The following SYNE1 variants were observed in gnomAD, a reference collection of about 807,000 sequenced individuals.
SYNE1 encodes the protein nesprin-1.
SYNE1 carries 616 observed loss-of-function variants against 1,111.0 expected under a neutral mutation model. The observed-to-expected ratio is 0.55, with a 90% confidence interval of 0.52 to 0.59. The LOEUF (loss-of-function observed/expected upper bound fraction) is 0.59. SYNE1 is among the 20% of genes least tolerant of loss of function. The pLI, the probability that SYNE1 is intolerant of heterozygous loss-of-function variation, is 0.00. For synonymous variants in SYNE1, 3,855 were observed against 3,825.8 expected, an observed-to-expected ratio of 1.01 and a Z score of -0.28; for missense variants, 10,006 against 10,417.0, an observed-to-expected ratio of 0.96 and a Z score of 1.72.
At chr6:152,450,295 T>A (rs1278988820) in intron 27 of SYNE1, among the ~76,000 whole-genome samples, 1 of 152,178 alleles carries the variant, frequency 6.6e-6, no homozygotes, top group African/African-American at 2.4e-5. Context: ...GCCATGCTGA[T>A]CTGTGAGTCA....
chr6:152,462,777 G>T lies in SYNE1; in HGVS notation c.2211C>A (p.Val737=). The T allele has an allele frequency of 6.2e-7, 1 of 1,614,038 alleles. No homozygotes were observed. Among genetic ancestry groups the T allele is most frequent in the Non-Finnish European group, 8.5e-7 (1 of 1,179,952 alleles). Residue 737 remains valine, a synonymous_variant, in exon 20 of 146, where the codon GTC becomes GTA. Coordinates refer to ENST00000367255, the MANE Select transcript of SYNE1 (RefSeq NM_182961.4). ...TTAATAGCTTGACATTCATAAAAGAGACTTCTAAGGGTTCAGAAAGTTTCT... is the reference window on the plus strand; with the variant it reads ...TTAATAGCTTGACATTCATAAAAGATACTTCTAAGGGTTCAGAAAGTTTCT... ...AHKKLSEPLE[V]SFMNVKLLIQ...
chr6:152,468,033 A>G (rs1382443767), intron 16 of SYNE1, among the ~76,000 whole-genome samples: 1 of 152,150 alleles, frequency 6.6e-6, no homozygotes, highest in East Asian at 1.9e-4. Context: ...TGAAACTTGG[A>G]TCCCAAGTTC....
intron 55 of SYNE1, 120 bp from the exon 56 acceptor site, chr6:152,381,482 G>A (rs889050140): frequency 2.1e-6 from 2 of 962,750 alleles, no homozygotes; most frequent in African/African-American, 1.6e-5. Context: ...TGTGCCACAA[G>A]GACCCAGAAT....
At chr6:152,179,309 G>A (rs2067282830) in intron 129 of SYNE1, 1 of 152,032 alleles carries the variant, frequency 6.6e-6, no homozygotes, top group South Asian at 2.1e-4. Context: ...AAAATAATTT[G>A]ATAAGATATA....
intron 14 of SYNE1, among the ~76,000 whole-genome samples, chr6:152,482,843 T>A (rs971154008): frequency 1.3e-5 from 2 of 152,112 alleles, no homozygotes; most frequent in Admixed American, 6.6e-5. Context: ...CAAAGATAGC[T>A]GCAGATGAAA....
chr6:152,255,051 C>T lies in SYNE1; in HGVS notation c.19299G>A (p.Met6433Ile). ...GGGAAAACAAGTTTTTGTTCTTATC[C>T]ATTTCTTCAGACATTTCCTTAATGT... ...AKDIKEMSEEMDKNKNLFSQA... is the reference protein window; with the variant it reads ...AKDIKEMSEEIDKNKNLFSQA... Residue 6433 changes from methionine (M) to isoleucine (I), a missense_variant, in exon 104 of 146, where the codon ATG (methionine) becomes ATA (isoleucine). Transcript: ENST00000367255. 6.2e-7 allele frequency: 1 copy of T among 1,608,642 alleles called. No homozygotes were observed. Among genetic ancestry groups the T allele is most frequent in the South Asian group, 1.1e-5 (1 of 90,386 alleles).
intron 96 of SYNE1, among the ~76,000 whole-genome samples, chr6:152,283,384 T>C (rs1486482787): frequency 6.6e-6 from 1 of 152,202 alleles, no homozygotes; most frequent in East Asian, 1.9e-4. Context: ...CCTCTACAAT[T>C]ATTCTTCACA....
intron 3 of SYNE1, among the ~76,000 whole-genome samples, chr6:152,574,586 C>A (rs1214643350): frequency 6.6e-6 from 1 of 152,078 alleles, no homozygotes; most frequent in East Asian, 1.9e-4. Flanking sequence ...ATTAATTGGA[C>A]TAAATGAAGC....
At chr6:152,237,041 C>G (rs2084278429) in intron 108 of SYNE1, 93 bp from the exon 109 acceptor site, 1 of 1,517,494 alleles carries the variant, frequency 6.6e-7, no homozygotes, top group East Asian at 2.4e-5. Flanking sequence ...GACAGTCTCT[C>G]CTTAAAGTTA....
chr6:152,523,138 T>C (rs768340929), intron 5 of SYNE1, among the ~76,000 whole-genome samples: 3 of 152,052 alleles, frequency 2.0e-5, no homozygotes, highest in Non-Finnish European at 4.4e-5. Flanking sequence ...GGCCAATGTC[T>C]AGAGATTTTC....
At position 152,350,343 on chromosome 6, in the gene SYNE1, A is replaced by T. The variant is rs2096719348; in HGVS notation, c.11734-8T>A. ...CAGACTGAAGACATGCTCCTGCAAA[A>T]CCAGGTGTCCATCAGAGATGACTTT... On this transcript the variant is annotated splice_polypyrimidine_tract_variant and splice_region_variant and intron_variant, in intron 71 of 145. Transcript: ENST00000367255. The T allele has an allele frequency of 6.2e-7, 1 of 1,614,012 alleles. No homozygotes were observed. The highest frequency in any genetic ancestry group is 1.7e-5 in the Admixed American group (1 of 59,998).
rs747947368 is a variant in SYNE1, at chr6:152,277,264, CTT to C, written c.18573+823_18573+824del. Among the ~76,000 whole-genome samples the C allele has an allele frequency of 7.0e-3, 572 of 82,022 alleles. 1 individual carries two copies. Among genetic ancestry groups the C allele is most frequent in the African/African-American group, 0.026 (542 of 20,498 alleles). 53.8% of individuals were successfully genotyped at this position (82,022 alleles called of 152,430 possible). ...TGCAATCACACTCCTTTTTCTTTTT[CTT>C]TTTTTTTTTTTTTTTTTTTTTTTTG... On this transcript the variant is annotated intron_variant, in intron 98 of 145. Transcript: ENST00000367255.
At chr6:152,357,936 C>T (rs187953474) in intron 66 of SYNE1, among the ~76,000 whole-genome samples, 282 of 152,244 alleles carry the variant, frequency 1.9e-3, no homozygotes, top group African/African-American at 6.1e-3. Flanking sequence ...GAGCCCGAAC[C>T]GGTACCATCA....
chr6:152,158,874 T>C (rs2061864141), intron 131 of SYNE1, among the ~76,000 whole-genome samples: 1 of 152,246 alleles, frequency 6.6e-6, no homozygotes, highest in African/African-American at 2.4e-5. Flanking sequence ...AATCAATATA[T>C]GAAATAGCAA....
At chr6:152,391,625 G>T (rs967268371) in intron 51 of SYNE1, 57 bp from the exon 52 acceptor site, 23 of 1,502,634 alleles carry the variant, frequency 1.5e-5, no homozygotes, top group Admixed American at 2.2e-5. Flanking sequence ...ATCCTGGAGT[G>T]CAGGGGAGTG....
Position 152,297,940 on chromosome 6 carries a change from A to C in SYNE1, c.17682+2701T>G, listed in dbSNP as rs144853330. 2.4e-3 allele frequency among the ~76,000 whole-genome samples: 371 copies of C among 152,290 alleles called. 2 individuals carry two copies. Among genetic ancestry groups the C allele is most frequent in the African/African-American group, 8.4e-3 (350 of 41,558 alleles). On this transcript the variant is annotated intron_variant, in intron 93 of 145. Coordinates refer to ENST00000367255, the MANE Select transcript of SYNE1 (RefSeq NM_182961.4). ...ATTTCTATTTATTTGAGGTACATAC[A>C]TAAATTGAATTAAAATAAATCACTC...
chr6:152,334,725 T>G (rs1431259871), intron 76 of SYNE1, among the ~76,000 whole-genome samples: 1 of 152,242 alleles, frequency 6.6e-6, no homozygotes, highest in African/African-American at 2.4e-5. Context: ...AAGTCCTGGA[T>G]CTGTCAAGTT....
Position 152,365,751 on chromosome 6 carries a change from C to T in SYNE1, c.9973-732G>A, listed in dbSNP as rs368009762. 6.6e-5 allele frequency among the ~76,000 whole-genome samples: 10 copies of T among 152,082 alleles called. No individual in the cohort carries two copies. In the East Asian group the frequency reaches 1.5e-3, roughly 24 times the overall value. ...CTGGGATTGTAAGTGTAAGCCACTG[C>T]GCCCGGCCAGAAGGAAGTTTTAATT... is the stretch of plus-strand genomic sequence containing the variant. On this transcript the variant is annotated intron_variant, in intron 62 of 145. Coordinates refer to ENST00000367255, the MANE Select transcript of SYNE1 (RefSeq NM_182961.4).
intron 3 of SYNE1, among the ~76,000 whole-genome samples, chr6:152,609,374 G>A (rs1346062291): frequency 6.6e-6 from 1 of 152,142 alleles, no homozygotes; most frequent in Admixed American, 6.5e-5. Flanking sequence ...CACTGCTAGT[G>A]CACCAGTCTG....
Sources: allele counts gnomAD v4.1 joint callset (sites outside exome capture counted in the v4.1 genomes callset), GRCh38; gene constraint gnomAD v4.1.1; transcripts MANE v1.5; gene names NCBI Gene and HGNC (gene_info 2026-07-23, HGNC 2026-07-21).